Variants in COL7A1 observed in about 807,000 individuals in gnomAD.
The protein encoded by COL7A1 is collagen type VII alpha 1 chain.
A neutral mutation model predicts 456.2 loss-of-function variants in COL7A1; 296 were observed. The observed-to-expected ratio is 0.65, with a 90% CI of 0.59 to 0.71. COL7A1 has a LOEUF of 0.71. COL7A1 is among the 30% of genes least tolerant of loss of function. COL7A1 has a pLI of 0.00. For synonymous variants in COL7A1, 1,464 were observed against 1,525.9 expected (o/e 0.96, Z 0.95); for missense variants, 3,441 against 4,017.2 (o/e 0.86, Z 3.88).
rs2043509293 is a variant in COL7A1 at position 48,564,281 on chromosome 3, T to C, written c.*125A>G. The C allele has an allele frequency of 4.7e-5, 57 of 1,204,398 alleles. 1 individual carries two copies. The South Asian group carries it at 6.9e-4, about 15-fold the overall frequency. The allele number at this position is 1,204,398 out of a possible 1,614,324, so 74.6% of individuals were successfully genotyped here. On this transcript the variant is annotated 3_prime_UTR_variant, in exon 119 of 119. Coordinates refer to ENST00000681320, the MANE Select transcript of COL7A1 (RefSeq NM_000094.4). The surrounding 1 kb of genome is among the most constrained non-coding windows in gnomAD (Gnocchi z 6.0). ...GACCCACGGGACCAAGTCACTGAAA[T>C]AACGGACGTGCACACGCACGCTCAC...
At position 48,594,553 on chromosome 3, in the gene COL7A1, G is replaced by T; in HGVS notation, c.86-5C>A. 1 of 1,581,562 alleles carries T rather than the reference G, an allele frequency of 6.3e-7. No homozygotes were observed. Reference sequence around the variant, plus strand: ...CGTAAAGGCGCGTGCAGGTCACTGGGGCGGGCAGGAGAGATCAGGGCCTCT... The same window carrying T: ...CGTAAAGGCGCGTGCAGGTCACTGGTGCGGGCAGGAGAGATCAGGGCCTCT... On this transcript the variant is annotated splice_polypyrimidine_tract_variant and splice_region_variant and intron_variant, in intron 2 of 118. Transcript: ENST00000681320. The surrounding 1 kb of genome is among the most constrained non-coding windows in gnomAD (Gnocchi z 5.5).
In COL7A1 at chr3:48,584,077, C is replaced by T. The variant is rs370515794; in HGVS notation, c.4198-16G>A. The T allele has an allele frequency of 8.1e-5, 131 of 1,614,174 alleles. No individual in the cohort carries two copies. The highest frequency in any genetic ancestry group is 4.5e-4 in the East Asian group (20 of 44,880). ...CTTTGTCACCCTAGAAAACAGATGA[C>T]GACCCCATGACCCTGGGCCACACCT... On this transcript the variant is annotated splice_polypyrimidine_tract_variant and intron_variant, in intron 37 of 118. Transcript: ENST00000681320.
In COL7A1 at chr3:48,572,487, C is replaced by T; in HGVS notation, c.6936+16G>A. The T allele has an allele frequency of 6.2e-7, 1 of 1,613,746 alleles. No homozygotes were observed. Among genetic ancestry groups the T allele is most frequent in the Non-Finnish European group, 8.5e-7 (1 of 1,179,864 alleles). On this transcript the variant is annotated intron_variant, in intron 89 of 118. Coordinates refer to ENST00000681320, the MANE Select transcript of COL7A1 (RefSeq NM_000094.4). This position sits in a 1 kb window ranked among gnomAD's most constrained non-coding sequence, Gnocchi z 4.6. Reference sequence around the variant, plus strand: ...CCAGTTGACCCCCCCTCACTGGCAGCCCCACACACACTCACCTTCTCTCCC... The same window carrying T: ...CCAGTTGACCCCCCCTCACTGGCAGTCCCACACACACTCACCTTCTCTCCC...
Position 48,584,359 on chromosome 3 carries a change from C to T in COL7A1, c.4136G>A (p.Arg1379His), listed in dbSNP as rs866534512. 8.1e-6 allele frequency: 13 copies of T among 1,613,448 alleles called. No homozygotes were observed. The highest frequency in any genetic ancestry group is 1.6e-4 in the Middle Eastern group (1 of 6,082). Residue 1379 changes from arginine to histidine, a missense_variant, in exon 37 of 119, where the codon CGT becomes CAT. By Grantham distance (29) the Arg-to-His change is conservative. Transcript: ENST00000681320. ...GGGTCCTGGGTCCCCCAGTGGTCCA[C>T]GAGGTCCAGGGGGGCCCTGATGGAG... ...DPGPSGPPGP[R>H]GPLGDPGPRG... is the part of the protein sequence containing the mutation.
At position 48,578,033 on chromosome 3, in the gene COL7A1, G is replaced by A. The variant is rs576955360; in HGVS notation, c.5532+288C>T. On this transcript the variant is annotated intron_variant, in intron 65 of 118. Coordinates refer to ENST00000681320, the MANE Select transcript of COL7A1 (RefSeq NM_000094.4). The surrounding 1 kb of genome is among the most constrained non-coding windows in gnomAD (Gnocchi z 4.7). ...TACAAAATTAGCCAGGCATGGTGGCGCATGCCTGTAATCCCAGTTACTCGG... is the reference window on the plus strand; with the variant it reads ...TACAAAATTAGCCAGGCATGGTGGCACATGCCTGTAATCCCAGTTACTCGG... 5.3e-5 allele frequency among the ~76,000 whole-genome samples: 8 copies of A among 152,242 alleles called. No homozygotes were observed. The highest frequency in any genetic ancestry group is 2.0e-4 in the Admixed American group (3 of 15,298).
At position 48,584,912 on chromosome 3, in the gene COL7A1, G is replaced by C. The variant is rs774162615; in HGVS notation, c.4009C>G (p.Pro1337Ala). 20 of 1,613,900 alleles carry C rather than the reference G, an allele frequency of 1.2e-5. No homozygotes were observed. The East Asian group carries it at 4.2e-4, about 34-fold the overall frequency. ...SPGLPGPRGD[P>A]GERGPRGPKG... ...GCAAAGAAGGGAAGGCACCTTACCG[G>C]GTCCCCACGAGGGCCAGGCAACCCT... The change falls in exon 34 of 119, where the codon CCG (proline) becomes GCG (alanine). Residue 1337 changes from proline to alanine, a missense_variant and splice_region_variant. By Grantham distance (27) the Pro-to-Ala change is conservative. Transcript: ENST00000681320.
Position 48,590,815 on chromosome 3 carries a change from C to A in COL7A1, c.1638G>T (p.Gly546=), listed in dbSNP as rs2107782806. Residue 546 remains glycine (G), a splice_region_variant and synonymous_variant, in exon 14 of 119, where the codon GGG becomes GGT. Coordinates refer to ENST00000681320, the MANE Select transcript of COL7A1 (RefSeq NM_000094.4). The surrounding 1 kb of genome is among the most constrained non-coding windows in gnomAD (Gnocchi z 4.6). ...CAGGAAGCACCAGGGTCCGCTCAAC[C>A]CCTAAGAGAGAAGTCAGGGTAGGTG... ...QYRIIVRSTQ[G]VERTLVLPGS... 5.0e-6 allele frequency: 8 copies of A among 1,613,272 alleles called. No individual in the cohort carries two copies. Among genetic ancestry groups the A allele is most frequent in the Non-Finnish European group, 5.9e-6 (7 of 1,179,996 alleles).
Position 48,588,933 on chromosome 3 carries a change from G to A in COL7A1, c.2377C>T (p.Arg793Trp), listed in dbSNP as rs778104401. ...QILNASSDVL[R>W]ITWVGVTGAT... ...CCAGTGACCCCTACCCAGGTGATCC[G>A]TAGAACGTCGCTGGAAGCATTGAGG... Residue 793 changes from arginine (R) to tryptophan (W), a missense_variant, in exon 19 of 119, where the codon CGG becomes TGG. Arg to Trp is a moderately radical substitution (Grantham distance 101). Coordinates refer to ENST00000681320, the MANE Select transcript of COL7A1 (RefSeq NM_000094.4). The surrounding 1 kb of genome is among the most constrained non-coding windows in gnomAD (Gnocchi z 4.6). 9 of 1,613,550 alleles carry A rather than the reference G, an allele frequency of 5.6e-6. No homozygotes were observed. The East Asian group carries it at 6.7e-5, about 12-fold the overall frequency.
At position 48,564,844 on chromosome 3, in the gene COL7A1, A is replaced by G. The variant is rs1471022662; in HGVS notation, c.8757T>C (p.Phe2919=). ...YGGCGGNANR[F]GTREACERRC... The stretch of plus-strand genomic sequence containing the variant: ...GGCGCTCGCAGGCCTCACGGGTCCC[A>G]AAACGGTTGGCATTCCCTCCACAGC... Residue 2919 remains phenylalanine (F), a synonymous_variant, in exon 118 of 119, where the codon TTT becomes TTC. Coordinates refer to ENST00000681320, the MANE Select transcript of COL7A1 (RefSeq NM_000094.4). The surrounding 1 kb of genome is among the most constrained non-coding windows in gnomAD (Gnocchi z 6.0). 2 of 1,614,080 alleles carry G rather than the reference A, an allele frequency of 1.2e-6. No homozygotes were observed. The highest frequency in any genetic ancestry group is 8.5e-7 in the Non-Finnish European group (1 of 1,179,992).
Position 48,565,097 on chromosome 3 carries a change from C to A in COL7A1, c.8620+12G>T, listed in dbSNP as rs1225099438. On this transcript the variant is annotated intron_variant, in intron 117 of 118. Transcript: ENST00000681320. This position sits in a 1 kb window ranked among gnomAD's most constrained non-coding sequence, Gnocchi z 4.5. Reference sequence around the variant, plus strand: ...CCCTCCCCAGACCCCGCTGGCAGCCCCCCATTCTCACCATCACTATCCCAA... The same window carrying A: ...CCCTCCCCAGACCCCGCTGGCAGCCACCCATTCTCACCATCACTATCCCAA... 1.3e-6 allele frequency: 2 copies of A among 1,570,638 alleles called. No homozygotes were observed. The highest frequency in any genetic ancestry group is 2.2e-5 in the South Asian group (2 of 89,880).
chr3:48,569,779 T>A lies in COL7A1; in HGVS notation c.7522-19A>T. 1.2e-6 allele frequency: 2 copies of A among 1,614,128 alleles called. No homozygotes were observed. Among genetic ancestry groups the A allele is most frequent in the South Asian group, 1.1e-5 (1 of 91,080 alleles). ...CATCACCCTATTGGGCAAAAGAGTG[T>A]GAGTCCCGCCCAAACTGGGGAGGCC... is the stretch of plus-strand genomic sequence containing the variant. On this transcript the variant is annotated intron_variant, in intron 100 of 118. Transcript: ENST00000681320. This position sits in a 1 kb window ranked among gnomAD's most constrained non-coding sequence, Gnocchi z 4.9.
chr3:48,576,582 G>C (rs1161428073), intron 68 of COL7A1, 25 bp from the exon 69 acceptor site: 1 of 1,602,778 alleles, frequency 6.2e-7, no homozygotes, highest in Admixed American at 1.7e-5. Flanking sequence ...AACACAAAGG[G>C]GTCACAAAGG....
At position 48,581,404 on chromosome 3, in the gene COL7A1, G is replaced by A; in HGVS notation, c.4818+44C>T. On this transcript the variant is annotated intron_variant, in intron 51 of 118. Transcript: ENST00000681320. The surrounding 1 kb of genome is among the most constrained non-coding windows in gnomAD (Gnocchi z 5.8). ...GAAGCAAGCAGTTCTCAAGGGGAGG[G>A]GACCCCAGAAGCCTTGAGGTTGCCC... 4 of 1,613,882 alleles carry A rather than the reference G, an allele frequency of 2.5e-6. No individual in the cohort carries two copies. The highest frequency in any genetic ancestry group is 3.4e-6 in the Non-Finnish European group (4 of 1,179,984).
Position 48,568,468 on chromosome 3 carries a change from G to C in COL7A1, c.7794+31C>G. On this transcript the variant is annotated intron_variant, in intron 105 of 118. Transcript: ENST00000681320. This position sits in a 1 kb window ranked among gnomAD's most constrained non-coding sequence, Gnocchi z 5.2. ...TGGTGACGGGGGCCCTCTGGGGACA[G>C]GGGGCCCCTGTGGGAGCAGGGGCAT... 3 of 1,585,706 alleles carry C rather than the reference G, an allele frequency of 1.9e-6. No individual in the cohort carries two copies. The highest frequency in any genetic ancestry group is 2.6e-6 in the Non-Finnish European group (3 of 1,161,318).
Position 48,581,591 on chromosome 3 carries a change from C to T in COL7A1, c.4764G>A (p.Lys1588=), listed in dbSNP as rs774196875. Residue 1588 remains lysine (K), a synonymous_variant, in exon 50 of 119, where the codon AAG becomes AAA. Coordinates refer to ENST00000681320, the MANE Select transcript of COL7A1 (RefSeq NM_000094.4). The surrounding 1 kb of genome is among the most constrained non-coding windows in gnomAD (Gnocchi z 5.8). Reference sequence around the variant, plus strand: ...GATTCACCCGGTCTCCAGGGTCTCCCTTGGGGCCAGGGTCTCCAGGAAGAA... The same window carrying T: ...GATTCACCCGGTCTCCAGGGTCTCCTTTGGGGCCAGGGTCTCCAGGAAGAA... ...GLVLPGDPGP[K]GDPGDRGPIG... is the part of the protein sequence containing the mutation. 1 of 1,614,080 alleles carries T rather than the reference C, an allele frequency of 6.2e-7. No homozygotes were observed. Among genetic ancestry groups the T allele is most frequent in the South Asian group, 1.1e-5 (1 of 91,078 alleles).
At position 48,588,557 on chromosome 3, in the gene COL7A1, C is replaced by T. The variant is rs182460372; in HGVS notation, c.2587+85G>A. 4 of 1,611,098 alleles carry T rather than the reference C, an allele frequency of 2.5e-6. No homozygotes were observed. Among genetic ancestry groups the T allele is most frequent in the Middle Eastern group, 1.7e-4 (1 of 5,882 alleles). ...CCAAAGGCTCACTACCAATCCTGGT[C>T]CTTTCTCCAATCCAGAGCACAAGCC... On this transcript the variant is annotated intron_variant, in intron 20 of 118. Coordinates refer to ENST00000681320, the MANE Select transcript of COL7A1 (RefSeq NM_000094.4). The surrounding 1 kb of genome is among the most constrained non-coding windows in gnomAD (Gnocchi z 4.6).
At chr3:48,582,274 C>G (rs1415786187) in intron 47 of COL7A1, 49 bp downstream of exon 47, 1 of 1,613,664 alleles carries the variant, frequency 6.2e-7, no homozygotes, top group Non-Finnish European at 8.5e-7. Flanking sequence ...AGGAGGGTCA[C>G]TGCTCAAGGG....
In COL7A1 at chr3:48,593,091, C is replaced by T; in HGVS notation, c.682+11G>A. 1 of 1,614,070 alleles carries T rather than the reference C, an allele frequency of 6.2e-7. No individual in the cohort carries two copies. Among genetic ancestry groups the T allele is most frequent in the Non-Finnish European group, 8.5e-7 (1 of 1,180,004 alleles). On this transcript the variant is annotated intron_variant, in intron 6 of 118. Transcript: ENST00000681320. This position sits in a 1 kb window ranked among gnomAD's most constrained non-coding sequence, Gnocchi z 4.4. ...TCTAGGTCAGGGTACACCGTGTGGG[C>T]AGGAACTCACGAGGTCGGGTCACAG...
Position 48,585,848 on chromosome 3 carries a change from C to T in COL7A1, c.3768G>A (p.Lys1256=). Residue 1256 remains lysine (K), a synonymous_variant, in exon 30 of 119, where the codon AAG becomes AAA. Coordinates refer to ENST00000681320, the MANE Select transcript of COL7A1 (RefSeq NM_000094.4). The surrounding 1 kb of genome is among the most constrained non-coding windows in gnomAD (Gnocchi z 4.5). ...PCPVYCPKGQ[K]GEPGEMGLRG... ...CACTCACCATCTCTCCAGGTTCCCCCTTCTGGCCCTGGGGAAAGACATGTC... is the reference window on the plus strand; with the variant it reads ...CACTCACCATCTCTCCAGGTTCCCCTTTCTGGCCCTGGGGAAAGACATGTC... The T allele has an allele frequency of 1.2e-6, 2 of 1,614,136 alleles. No homozygotes were observed. Among genetic ancestry groups the T allele is most frequent in the Non-Finnish European group, 1.7e-6 (2 of 1,180,026 alleles).
Sources: allele counts gnomAD v4.1 joint callset (sites outside exome capture counted in the v4.1 genomes callset), GRCh38; gene constraint gnomAD v4.1.1; non-coding constraint Gnocchi (gnomAD v3.1); transcripts MANE v1.5; gene names NCBI Gene and HGNC (gene_info 2026-07-23, HGNC 2026-07-21).